Variants in ITGA2 observed in about 807,000 individuals in gnomAD.
ITGA2 encodes the protein integrin subunit alpha 2, also known as integrin alpha-2.
ITGA2 carries 101 observed loss-of-function variants against 146.3 expected under a neutral mutation model. The ratio of observed to expected loss-of-function variants is 0.69; its 90% CI spans 0.59 to 0.81. The LOEUF (loss-of-function observed/expected upper bound fraction) is 0.81, where lower values mean the gene tolerates loss of function less well. ITGA2 is among the 40% of genes least tolerant of loss of function. The probability of loss-of-function intolerance (pLI) is 0.00; values close to 1 mark genes in which losing one functional copy is unlikely to be tolerated. For missense variants in ITGA2, 1,281 were observed against 1,402.7 expected (o/e 0.91, Z 1.39); for synonymous variants, 477 against 487.1 (o/e 0.98, Z 0.27).
At position 52,989,508 on chromosome 5, in the gene ITGA2, C is replaced by T. The variant is rs1740807259; in HGVS notation, c.40C>T (p.Leu14=). 6.2e-7 allele frequency: 1 copy of T among 1,614,038 alleles called. No homozygotes were observed. The highest frequency in any genetic ancestry group is 1.3e-5 in the African/African-American group (1 of 74,932). ...ERTGAAPLPL[L]LVLALSQGIL... ...GACAGGGGCCGCGCCGCTGCCGCTG[C>T]TGCTGGTGTTAGCGCTCAGTCAAGG... Residue 14 remains leucine, a synonymous_variant, in exon 1 of 30, where the codon CTG becomes TTG. Transcript: ENST00000296585.
At position 53,074,407 on chromosome 5, in the gene ITGA2, G is replaced by A; in HGVS notation, c.2594G>A (p.Cys865Tyr). 6.2e-7 allele frequency: 1 copy of A among 1,612,368 alleles called. No homozygotes were observed. The highest frequency in any genetic ancestry group is 8.5e-7 in the Non-Finnish European group (1 of 1,178,950). The change falls in exon 21 of 30, where the codon TGC (cysteine) becomes TAC (tyrosine). Residue 865 changes from cysteine to tyrosine, a missense_variant. Physicochemically the swap from Cys to Tyr is radical, Grantham distance 194. This residue lies in a region of ITGA2 where 475 missense variants were observed against 530.5 expected (regional missense o/e 0.90). Transcript: ENST00000296585. ...CAGGTTGATGGGACAGAAGTAACAT[G>A]CCAGGTGGCTGCATCTCAGAAGTCT... ...SLPVDGTEVTCQVAASQKSVA... is the reference protein window; with the variant it reads ...SLPVDGTEVTYQVAASQKSVA...
intron 6 of ITGA2, among the ~76,000 whole-genome samples, chr5:53,050,275 G>A (rs1744288919): frequency 6.6e-6 from 1 of 152,026 alleles, no homozygotes; most frequent in African/African-American, 2.4e-5. Flanking sequence ...TTTTCTTACA[G>A]CCTAAATTTG....
At position 53,092,364 on chromosome 5, in the gene ITGA2, T is replaced by G. The variant is rs1740470314; in HGVS notation, c.*1765T>G. 1 of 151,986 alleles carries G rather than the reference T, an allele frequency of 6.6e-6. No individual in the cohort carries two copies. Among genetic ancestry groups the G allele is most frequent in the Non-Finnish European group, 1.5e-5 (1 of 67,986 alleles). The allele number at this position is 151,986 out of a possible 1,614,324, so 9.4% of individuals were successfully genotyped here. ...TCCAAGAATTTGACTTGGAAAAAAA[T>G]GTCAAAGGAAAACAGGTTATCTGCC... On this transcript the variant is annotated 3_prime_UTR_variant, in exon 30 of 30. Coordinates refer to ENST00000296585, the MANE Select transcript of ITGA2 (RefSeq NM_002203.4).
In ITGA2 at chr5:53,048,718, A is replaced by G; in HGVS notation, c.578A>G (p.Asn193Ser). ...NSIYPWDAVK[N>S]FLEKFVQGLD... is the part of the protein sequence containing the mutation. ...ATTTATCCTTGGGATGCAGTAAAGA[A>G]TTTTTTGGAAAAATTTGTACAAGGC... is the stretch of plus-strand genomic sequence containing the variant. The change falls in exon 6 of 30, where the codon AAT becomes AGT. Residue 193 changes from asparagine (N) to serine (S), a missense_variant. Around this residue, in one of 3 missense-constraint regions of ITGA2, gnomAD observed 795 missense variants for 841.7 expected, o/e 0.94. Transcript: ENST00000296585. 6.2e-7 allele frequency: 1 copy of G among 1,614,078 alleles called. No individual in the cohort carries two copies. Among genetic ancestry groups the G allele is most frequent in the South Asian group, 1.1e-5 (1 of 91,080 alleles).
intron 2 of ITGA2, among the ~76,000 whole-genome samples, chr5:53,032,948 T>G (rs1201209055): frequency 6.6e-6 from 1 of 152,138 alleles, no homozygotes; most frequent in Non-Finnish European, 1.5e-5. Context: ...TGGAATGTTA[T>G]GAGCACCTTG....
intron 2 of ITGA2, among the ~76,000 whole-genome samples, chr5:53,036,475 G>T (rs1272905681): frequency 6.6e-6 from 1 of 152,106 alleles, no homozygotes; most frequent in African/African-American, 2.4e-5. Flanking sequence ...CAGCCACAGG[G>T]CTTTTGCATT....
In ITGA2 at chr5:53,045,259, A is replaced by G. The variant is rs558504558; in HGVS notation, c.387+167A>G. On this transcript the variant is annotated intron_variant, in intron 4 of 29. Coordinates refer to ENST00000296585, the MANE Select transcript of ITGA2 (RefSeq NM_002203.4). The stretch of plus-strand genomic sequence containing the variant: ...ATGTTGAATATTCAAAATAATGTTG[A>G]TGTGTAGACTTTTTAGGATATTCAG... 2.6e-5 allele frequency among the ~76,000 whole-genome samples: 4 copies of G among 152,292 alleles called. No individual in the cohort carries two copies. The South Asian group carries it at 8.3e-4, about 32-fold the overall frequency.
intron 2 of ITGA2, among the ~76,000 whole-genome samples, chr5:53,040,082 G>T (rs1301170379): frequency 6.6e-6 from 1 of 152,058 alleles, no homozygotes; most frequent in Non-Finnish European, 1.5e-5. Flanking sequence ...AGAGGAAGTG[G>T]TGTCAAACAG....
intron 19 of ITGA2, among the ~76,000 whole-genome samples, 159 bp downstream of exon 19, chr5:53,072,854 G>C (rs923481166): frequency 1.3e-5 from 2 of 151,382 alleles, no homozygotes; most frequent in Admixed American, 6.6e-5. Flanking sequence ...ATCCACATAG[G>C]AGTAAAACAA....
intron 6 of ITGA2, among the ~76,000 whole-genome samples, chr5:53,051,010 G>A (rs756030180): frequency 1.3e-5 from 2 of 152,160 alleles, no homozygotes; most frequent in Non-Finnish European, 2.9e-5. Context: ...CTTCATCTGT[G>A]ATTGCTTATA....
At chr5:53,004,687 G>A (rs1334127171) in intron 1 of ITGA2, among the ~76,000 whole-genome samples, 1 of 151,992 alleles carries the variant, frequency 6.6e-6, no homozygotes, top group African/African-American at 2.4e-5. Flanking sequence ...TAAGAAAATT[G>A]CATCTTTCTT....
chr5:53,090,185 A>G (rs1740341922), intron 29 of ITGA2, 123 bp downstream of exon 29: 2 of 741,646 alleles, frequency 2.7e-6, no homozygotes, highest in African/African-American at 1.8e-5. Flanking sequence ...AAGAAATGCA[A>G]ATTTGTTTAT....
intron 1 of ITGA2, among the ~76,000 whole-genome samples, chr5:52,993,926 A>G (rs1477636927): frequency 5.3e-5 from 8 of 152,186 alleles, no homozygotes; most frequent in Admixed American, 2.6e-4. Flanking sequence ...AAGTGAAAGA[A>G]ATGGAAGGTT....
At chr5:53,022,717 C>T (rs1742748986) in intron 1 of ITGA2, among the ~76,000 whole-genome samples, 2 of 152,136 alleles carry the variant, frequency 1.3e-5, no homozygotes, top group Admixed American at 1.3e-4. Flanking sequence ...CAGGCATGCA[C>T]CACCATGCCC....
In ITGA2 at chr5:53,091,061, A is replaced by C. The variant is rs182541283; in HGVS notation, c.*462A>C. On this transcript the variant is annotated 3_prime_UTR_variant, in exon 30 of 30. Coordinates refer to ENST00000296585, the MANE Select transcript of ITGA2 (RefSeq NM_002203.4). ...CTTCCACTTGTGTATATTTTAATGAATATTGATGTTAACAAGAGGGGAAAA... is the reference window on the plus strand; with the variant it reads ...CTTCCACTTGTGTATATTTTAATGACTATTGATGTTAACAAGAGGGGAAAA... The C allele has an allele frequency of 4.0e-3, 1,104 of 274,432 alleles. 10 individuals carry two copies. Among genetic ancestry groups the C allele is most frequent in the Non-Finnish European group, 5.0e-3 (742 of 149,476 alleles). 17.0% of individuals were successfully genotyped at this position (274,432 alleles called of 1,614,324 possible). A position where few individuals can be genotyped will look rare whatever the true frequency, so the allele number is the denominator to read the frequency against.
rs147189840 is a variant in ITGA2 at position 53,001,004 on chromosome 5, C to A, written c.64+11472C>A. On this transcript the variant is annotated intron_variant, in intron 1 of 29. Coordinates refer to ENST00000296585, the MANE Select transcript of ITGA2 (RefSeq NM_002203.4). Reference sequence around the variant, plus strand: ...GCAACTTCCAACTCCCGGGTTCAAGCGATTCTCCTGCCTCAGATTCCTGAG... The same window carrying A: ...GCAACTTCCAACTCCCGGGTTCAAGAGATTCTCCTGCCTCAGATTCCTGAG... Among the ~76,000 whole-genome samples the A allele has an allele frequency of 1.9e-3, 273 of 146,662 alleles. 1 individual carries two copies. The highest frequency in any genetic ancestry group is 6.4e-3 in the African/African-American group (253 of 39,718).
At chr5:53,086,049 T>G (rs1746142784) in intron 27 of ITGA2, among the ~76,000 whole-genome samples, 1 of 152,044 alleles carries the variant, frequency 6.6e-6, no homozygotes, top group Non-Finnish European at 1.5e-5. Flanking sequence ...GGATTACAGG[T>G]GCCCACCACC....
At chr5:53,010,155 G>C (rs911442350) in intron 1 of ITGA2, among the ~76,000 whole-genome samples, 3 of 152,222 alleles carry the variant, frequency 2.0e-5, no homozygotes, top group East Asian at 1.9e-4. Context: ...CCTGTGGAGA[G>C]CTCTTTTGTT....
At chr5:53,028,286 C>G (rs565167411) in intron 2 of ITGA2, among the ~76,000 whole-genome samples, 6 of 152,072 alleles carry the variant, frequency 3.9e-5, no homozygotes, top group African/African-American at 1.2e-4. Flanking sequence ...GGATGTAAAT[C>G]GTGAGCTGGG....
Sources: gnomAD v4.1 joint callset for allele counts (sites outside exome capture counted in the v4.1 genomes callset) on GRCh38, gnomAD v4.1.1 for gene constraint, gnomAD v4.1.1 regional missense constraint, MANE v1.5 for transcripts, NCBI Gene and HGNC (gene_info 2026-07-23, HGNC 2026-07-21) for gene names.